The following KIF20B variants were observed in gnomAD, a reference collection of about 807,000 sequenced individuals.
KIF20B encodes the protein kinesin-like protein KIF20B.
Under a neutral mutation model 232.5 loss-of-function variants are expected in KIF20B, and 188 were observed. The observed-to-expected ratio is 0.81, with a 90% CI of 0.72 to 0.91. The LOEUF (loss-of-function observed/expected upper bound fraction) is 0.91, where lower values mean the gene tolerates loss of function less well. Ranked by LOEUF, KIF20B falls within the 40% of genes least tolerant of loss-of-function variation. The probability of loss-of-function intolerance (pLI) is 0.00; values close to 1 mark genes in which losing one functional copy is unlikely to be tolerated. For missense variants in KIF20B, 2,154 were observed against 2,055.9 expected, an observed-to-expected ratio of 1.05 and a Z score of -0.92; for synonymous variants, 712 against 683.0, an observed-to-expected ratio of 1.04 and a Z score of -0.66.
At chr10:89,770,356 A>G (rs1365053752) in intron 31 of KIF20B, among the ~76,000 whole-genome samples, 1 of 152,056 alleles carries the variant, frequency 6.6e-6, no homozygotes, top group African/African-American at 2.4e-5. Flanking sequence ...CATTTAAAAA[A>G]TGTGTTTGTA....
intron 23 of KIF20B, among the ~76,000 whole-genome samples, chr10:89,749,312 CTATT>C (rs1223837344): frequency 6.6e-6 from 1 of 152,168 alleles, no homozygotes; most frequent in Non-Finnish European, 1.5e-5. Context: ...TCCTAAATTT[CTATT>C]TATTCACGGA....
intron 1 of KIF20B, among the ~76,000 whole-genome samples, chr10:89,702,549 CTT>C (rs35352846): frequency 6.6e-6 from 1 of 152,104 alleles, no homozygotes; most frequent in East Asian, 1.9e-4. Context: ...GTTGTGAAGA[CTT>C]TTTTTGAGGC....
intron 24 of KIF20B, among the ~76,000 whole-genome samples, chr10:89,751,797 A>G (rs571494564): frequency 6.6e-5 from 10 of 152,172 alleles, no homozygotes; most frequent in Admixed American, 5.9e-4. Context: ...TTTTAGCATT[A>G]TCTTGTATGT....
intron 2 of KIF20B, among the ~76,000 whole-genome samples, chr10:89,706,467 C>T (rs1842724340): frequency 6.6e-6 from 1 of 151,974 alleles, no homozygotes; most frequent in East Asian, 1.9e-4. Context: ...TGTGTGTTCT[C>T]TTTAAGAAAC....
chr10:89,728,509 T>A (rs1488564834), intron 17 of KIF20B, among the ~76,000 whole-genome samples: 1 of 151,832 alleles, frequency 6.6e-6, no homozygotes, highest in Non-Finnish European at 1.5e-5. Context: ...GTTTTTTTAG[T>A]TTTATTTATT....
At chr10:89,765,296 G>C (rs1286041756) in intron 29 of KIF20B, among the ~76,000 whole-genome samples, 4 of 152,090 alleles carry the variant, frequency 2.6e-5, no homozygotes, top group Non-Finnish European at 5.9e-5. Flanking sequence ...TTGCTTCAAA[G>C]AGAATAAAAT....
chr10:89,705,436 A>C lies in KIF20B; in HGVS notation c.142A>C (p.Thr48Pro). 1 of 1,613,910 alleles carries C rather than the reference A, an allele frequency of 6.2e-7. No homozygotes were observed. The highest frequency in any genetic ancestry group is 8.5e-7 in the Non-Finnish European group (1 of 1,179,892). ...TGAATTTTCCTTAGTTGCTCCAAAT[A>C]CTGAGGTAAGTACAAGAAAAGTATT... Reference protein sequence around the residue: ...SHEFSLVAPNTEANSFESKDY... With the variant: ...SHEFSLVAPNPEANSFESKDY... The change falls in exon 2 of 33, where the codon ACT becomes CCT. Residue 48 changes from threonine to proline, a missense_variant. Physicochemically the swap from Thr to Pro is conservative, Grantham distance 38. Coordinates refer to ENST00000371728, the MANE Select transcript of KIF20B (RefSeq NM_001284259.2).
At chr10:89,750,634 A>ACAG (rs1842002983) in intron 23 of KIF20B, among the ~76,000 whole-genome samples, 1 of 149,938 alleles carries the variant, frequency 6.7e-6, no homozygotes, top group Non-Finnish European at 1.5e-5. Context: ...GAGCCCTGCT[A>ACAG]CTAGGTGCCA....
intron 28 of KIF20B, among the ~76,000 whole-genome samples, chr10:89,762,227 T>C (rs1005073801): frequency 2.0e-5 from 3 of 152,096 alleles, no homozygotes; most frequent in Non-Finnish European, 4.4e-5. Context: ...CAAATTCAAA[T>C]AGAGGGGAAT....
At chr10:89,727,628 A>G (rs1158189660) in intron 16 of KIF20B, among the ~76,000 whole-genome samples, 1 of 151,724 alleles carries the variant, frequency 6.6e-6, no homozygotes, top group Non-Finnish European at 1.5e-5. Flanking sequence ...TATGCCACCT[A>G]TTTTTATCCT....
At chr10:89,721,652 A>T (rs1419426469) in intron 13 of KIF20B, among the ~76,000 whole-genome samples, 1 of 152,142 alleles carries the variant, frequency 6.6e-6, no homozygotes, top group African/African-American at 2.4e-5. Context: ...CCTGGGTGAC[A>T]GAGTGAGACC....
At chr10:89,769,314 G>T (rs974424598) in intron 31 of KIF20B, among the ~76,000 whole-genome samples, 10 of 151,788 alleles carry the variant, frequency 6.6e-5, no homozygotes, top group Middle Eastern at 3.2e-3. Flanking sequence ...TTCTGTTTTT[G>T]GTTGGGGCAG....
intron 26 of KIF20B, among the ~76,000 whole-genome samples, chr10:89,757,832 C>CT (rs1181119003): frequency 0.018 from 2,538 of 143,018 alleles, 85 homozygotes; most frequent in African/African-American, 0.06. Flanking sequence ...GGTTGGGGTT[C>CT]TTTTTTTTTT....
At position 89,733,233 on chromosome 10, in the gene KIF20B, GC is replaced by G; in HGVS notation, c.2545+178del. 5 of 552,856 alleles carry G rather than the reference GC, an allele frequency of 9.0e-6. No individual in the cohort carries two copies. In the South Asian group the frequency reaches 1.2e-4, roughly 13 times the overall value. The allele number at this position is 552,856 out of a possible 1,614,324, so 34.2% of individuals were successfully genotyped here. Reference sequence around the variant, plus strand: ...TTTTCTAGGGATGGGCATAGTTAAAGCTTTTATCTTAATAAATATGCTTTTA... The same window carrying G: ...TTTTCTAGGGATGGGCATAGTTAAAGTTTTATCTTAATAAATATGCTTTTA... On this transcript the variant is annotated intron_variant, in intron 19 of 32. Coordinates refer to ENST00000371728, the MANE Select transcript of KIF20B (RefSeq NM_001284259.2).
At chr10:89,746,306 C>T (rs143607700) in intron 23 of KIF20B, among the ~76,000 whole-genome samples, 16 of 152,180 alleles carry the variant, frequency 1.1e-4, no homozygotes, top group Non-Finnish European at 1.9e-4. Flanking sequence ...CTGGAAAAAT[C>T]GGATCACACA....
intron 15 of KIF20B, 79 bp downstream of exon 15, chr10:89,725,237 A>T: frequency 8.2e-7 from 1 of 1,220,186 alleles, no homozygotes; most frequent in Non-Finnish European, 1.2e-6. Flanking sequence ...ATGATGAGAA[A>T]CACCAAGATA....
At chr10:89,719,232 A>C (rs933400022) in intron 12 of KIF20B, among the ~76,000 whole-genome samples, 187 bp from the exon 13 acceptor site, 4 of 152,204 alleles carry the variant, frequency 2.6e-5, no homozygotes, top group Admixed American at 2.0e-4. Flanking sequence ...TCTAGTTTAC[A>C]TGTGTAAGTA....
Position 89,761,588 on chromosome 10 carries a change from A to G in KIF20B, c.4791+952A>G, listed in dbSNP as rs182588229. Among the ~76,000 whole-genome samples the G allele has an allele frequency of 9.8e-5, 15 of 152,312 alleles. No individual in the cohort carries two copies. The East Asian group carries it at 2.7e-3, about 27-fold the overall frequency. ...CAGCCTCCTGAGTAGCTGGGACTAC[A>G]GGCATGTGCCACCATGGCCAACTGA... On this transcript the variant is annotated intron_variant, in intron 28 of 32. Transcript: ENST00000371728.
chr10:89,764,392 A>T (rs1451206707), intron 29 of KIF20B, among the ~76,000 whole-genome samples: 1 of 152,198 alleles, frequency 6.6e-6, no homozygotes, highest in Non-Finnish European at 1.5e-5. Context: ...CATGATTTAC[A>T]GTCCTTTGGG....
Sources: allele counts gnomAD v4.1 joint callset (sites outside exome capture counted in the v4.1 genomes callset), GRCh38; gene constraint gnomAD v4.1.1; transcripts MANE v1.5; gene names NCBI Gene and HGNC (gene_info 2026-07-23, HGNC 2026-07-21).